The following COL17A1 variants were observed in gnomAD, a reference collection of about 807,000 sequenced individuals.
COL17A1 encodes collagen alpha-1(XVII) chain.
COL17A1 carries 181 observed loss-of-function variants against 218.4 expected under a neutral mutation model. That is an observed-to-expected ratio of 0.83 (90% confidence interval 0.73 to 0.94). COL17A1 has a LOEUF of 0.94. COL17A1 is among the 40% of genes least tolerant of loss of function. COL17A1 has a pLI of 0.00. For missense variants in COL17A1, 1,924 were observed against 1,945.9 expected (o/e 0.99, Z 0.21); for synonymous variants, 721 against 731.0 (o/e 0.99, Z 0.22).
At chr10:104,072,009 T>C in intron 8 of COL17A1, 23 bp downstream of exon 8, 1 of 1,614,062 alleles carries the variant, frequency 6.2e-7, no homozygotes, top group Middle Eastern at 1.6e-4. Flanking sequence ...CCCTTTCTTT[T>C]CAGCAAGATC....
intron 2 of COL17A1, 78 bp from the exon 3 acceptor site, chr10:104,078,664 T>G: frequency 6.3e-7 from 1 of 1,585,324 alleles, no homozygotes; most frequent in Non-Finnish European, 8.6e-7. Context: ...CTAAGCTCTG[T>G]CACAGGCTAA....
In COL17A1 at chr10:104,039,465, TG is replaced by T. The variant is rs746127564; in HGVS notation, c.2875del (p.Gln959ArgfsTer107). On this transcript the variant is annotated frameshift_variant, in exon 43 of 56. Coordinates refer to ENST00000648076, the MANE Select transcript of COL17A1 (RefSeq NM_000494.4). LOFTEE classifies it high-confidence loss of function. ...LQGPPGPPGP[Q>X]GPKGDKGDPG... ...CTGACCTTTGTCACCTTTGGGTCCCTGGGGGCCAGGTGGGCCTGGTGGTCCC... is the reference window on the plus strand; with the variant it reads ...CTGACCTTTGTCACCTTTGGGTCCCTGGGGCCAGGTGGGCCTGGTGGTCCC... 8 of 1,614,132 alleles carry T rather than the reference TG, an allele frequency of 5.0e-6. No homozygotes were observed. The highest frequency in any genetic ancestry group is 6.8e-6 in the Non-Finnish European group (8 of 1,180,006).
intron 12 of COL17A1, among the ~76,000 whole-genome samples, chr10:104,061,698 C>T (rs2086584380): frequency 6.6e-6 from 1 of 152,192 alleles, no homozygotes; most frequent in Admixed American, 6.5e-5. Context: ...TCCTAGACCC[C>T]CATGCATCTC....
intron 6 of COL17A1, chr10:104,073,950 C>T (rs1328780280): frequency 3.7e-6 from 2 of 542,448 alleles, no homozygotes; most frequent in African/African-American, 3.8e-5. Context: ...ATATAGCTTA[C>T]CATTTCTATA....
rs555528031 is a variant in COL17A1 at position 104,043,391 on chromosome 10, T to C, written c.2515+110A>G. The C allele has an allele frequency of 1.0e-5, 10 of 1,000,894 alleles. No individual in the cohort carries two copies. The African/African-American group carries it at 1.4e-4, about 14-fold the overall frequency. 62.0% of individuals were successfully genotyped at this position (1,000,894 alleles called of 1,614,324 possible). ...TCTCAGGCCAAACTCCTTATTCTCTTTACCAGGTTCAGTTCCTGCCCTGGG... is the reference window on the plus strand; with the variant it reads ...TCTCAGGCCAAACTCCTTATTCTCTCTACCAGGTTCAGTTCCTGCCCTGGG... On this transcript the variant is annotated intron_variant, in intron 35 of 55. Transcript: ENST00000648076.
At chr10:104,075,363 C>T (rs1389053210) in intron 5 of COL17A1, among the ~76,000 whole-genome samples, 1 of 152,004 alleles carries the variant, frequency 6.6e-6, no homozygotes, top group Non-Finnish European at 1.5e-5. Context: ...ATCTAATTCC[C>T]TGTTTCAGTT....
chr10:104,044,651 C>T (rs376186887), intron 33 of COL17A1, among the ~76,000 whole-genome samples: 1 of 152,118 alleles, frequency 6.6e-6, no homozygotes, highest in Non-Finnish European at 1.5e-5. Flanking sequence ...ATGAACAAGA[C>T]GGGAGAAGCA....
At chr10:104,050,068 A>C (rs370505973) in intron 28 of COL17A1, 21 bp downstream of exon 28, 1 of 1,614,144 alleles carries the variant, frequency 6.2e-7, no homozygotes, top group Admixed American at 1.7e-5. Context: ...AGATTAAAGT[A>C]GATTCCCATG....
At chr10:104,073,330 G>T in intron 6 of COL17A1, 85 bp from the exon 7 acceptor site, 1 of 1,242,560 alleles carries the variant, frequency 8.0e-7, no homozygotes, top group Non-Finnish European at 1.2e-6. Context: ...TATATTTGGG[G>T]AGGGGTTACT....
intron 48 of COL17A1, 148 bp downstream of exon 48, chr10:104,036,342 GTT>G: frequency 8.5e-7 from 1 of 1,174,692 alleles, no homozygotes. Flanking sequence ...AGGCTCACAG[GTT>G]TGAACGGCTC....
rs779127520 is a variant in COL17A1 at position 104,074,267 on chromosome 10, T to C, written c.332-36A>G. 8 of 1,614,058 alleles carry C rather than the reference T, an allele frequency of 5.0e-6. No individual in the cohort carries two copies. The Admixed American group carries it at 1.2e-4, about 24-fold the overall frequency. ...GATGAAACACTTAGAACAAATGGCCTCTTAGGCCCATAAAGCTTCCAAAAC... is the reference window on the plus strand; with the variant it reads ...GATGAAACACTTAGAACAAATGGCCCCTTAGGCCCATAAAGCTTCCAAAAC... On this transcript the variant is annotated intron_variant, in intron 5 of 55. Coordinates refer to ENST00000648076, the MANE Select transcript of COL17A1 (RefSeq NM_000494.4).
At chr10:104,081,375 C>T (rs758148485) in intron 1 of COL17A1, among the ~76,000 whole-genome samples, 1 of 152,128 alleles carries the variant, frequency 6.6e-6, no homozygotes, top group Non-Finnish European at 1.5e-5. Context: ...TTTTTATATT[C>T]TCCCTTCATT....
rs775357244 is a variant in COL17A1 at position 104,063,763 on chromosome 10, G to A, written c.822C>T (p.Leu274=). The change falls in exon 11 of 56, where the codon CTC becomes CTT. Residue 274 remains leucine (L), a synonymous_variant. Transcript: ENST00000648076. ...ASCSPTLHPG[L]STSSSVFGMQ... Reference sequence around the variant, plus strand: ...GACACTGACCTGAGGAGGATGTGCTGAGTCCAGGGTGCAAAGTGGGTGAGC... The same window carrying A: ...GACACTGACCTGAGGAGGATGTGCTAAGTCCAGGGTGCAAAGTGGGTGAGC... The A allele has an allele frequency of 2.5e-6, 4 of 1,614,102 alleles. No individual in the cohort carries two copies. The highest frequency in any genetic ancestry group is 3.4e-6 in the Non-Finnish European group (4 of 1,180,040).
chr10:104,058,036 G>T, intron 16 of COL17A1, 110 bp downstream of exon 16: 1 of 1,495,110 alleles, frequency 6.7e-7, no homozygotes, highest in Non-Finnish European at 9.2e-7. Flanking sequence ...TTAGAGTCTG[G>T]TGGCTTCTGT....
At chr10:104,034,360 G>A (rs754779591) in intron 51 of COL17A1, 26 bp from the exon 52 acceptor site, 1 of 1,538,568 alleles carries the variant, frequency 6.5e-7, no homozygotes, top group South Asian at 1.2e-5. Flanking sequence ...CTGCATGAGT[G>A]GGAGCTCAGA....
At chr10:104,084,132 T>A (rs1486454104) in intron 1 of COL17A1, among the ~76,000 whole-genome samples, 1 of 152,106 alleles carries the variant, frequency 6.6e-6, no homozygotes, top group East Asian at 1.9e-4. Context: ...TGGGAGCAGG[T>A]GGGATAGGGC....
At chr10:104,039,169 C>G (rs1337569422) in intron 43 of COL17A1, 48 bp from the exon 44 acceptor site, 2 of 1,595,004 alleles carry the variant, frequency 1.3e-6, no homozygotes, top group Non-Finnish European at 1.7e-6. Flanking sequence ...AGGAAGCCTT[C>G]CCTGGTTAAG....
At chr10:104,037,849 A>G in intron 45 of COL17A1, 76 bp from the exon 46 acceptor site, 1 of 1,550,466 alleles carries the variant, frequency 6.4e-7, no homozygotes, top group Non-Finnish European at 8.7e-7. Context: ...GACCTGAAGC[A>G]CATGATAACA....
chr10:104,034,324 C>T lies in COL17A1; in HGVS notation c.3777G>A (p.Val1259=), dbSNP rs181559014. ...ELISYLTSPD[V]RSFIVGPPGP... ...CTGGGGGGCCAACAATGAAGCTGCG[C>T]ACATCAGGACCTGCAGGGTGAGAAG... Residue 1259 remains valine (V), a synonymous_variant, in exon 52 of 56, where the codon GTG becomes GTA. Transcript: ENST00000648076. The T allele has an allele frequency of 2.2e-5, 34 of 1,558,254 alleles. No individual in the cohort carries two copies. The Admixed American group carries it at 5.3e-4, about 24-fold the overall frequency.
Sources: allele counts gnomAD v4.1 joint callset (sites outside exome capture counted in the v4.1 genomes callset), GRCh38; gene constraint gnomAD v4.1.1; transcripts MANE v1.5; gene names NCBI Gene and HGNC (gene_info 2026-07-23, HGNC 2026-07-21).